The following PTGER4 variants were observed in gnomAD, a reference collection of about 807,000 sequenced individuals.
The protein encoded by PTGER4 is prostaglandin E receptor 4, also known as prostaglandin E2 receptor EP4 subtype.
A neutral mutation model predicts 33.2 loss-of-function variants in PTGER4; 11 were observed. That is an observed-to-expected ratio of 0.33 (90% CI 0.21 to 0.55). The LOEUF (loss-of-function observed/expected upper bound fraction) is 0.55. PTGER4 is among the 20% of genes least tolerant of loss of function. The pLI is 0.92. For synonymous variants in PTGER4, 275 were observed against 281.5 expected (o/e 0.98, Z 0.23); for missense variants, 481 against 650.2 (o/e 0.74, Z 2.83).
rs1267421199 is a variant in PTGER4, at chr5:40,691,998, T to G, written c.1087T>G (p.Cys363Gly). 3.7e-6 allele frequency: 6 copies of G among 1,614,008 alleles called. No individual in the cohort carries two copies. The highest frequency in any genetic ancestry group is 5.1e-6 in the Non-Finnish European group (6 of 1,180,024). The change falls in exon 3 of 3, where the codon TGC (cysteine) becomes GGC (glycine). Residue 363 changes from cysteine (C) to glycine (G), a missense_variant. Cys to Gly is a radical substitution (Grantham distance 159, BLOSUM62 -3). Around this residue, in one of 7 missense-constraint regions of PTGER4, gnomAD observed 172 missense variants for 199.2 expected, o/e 0.86. Coordinates refer to ENST00000302472, the MANE Select transcript of PTGER4 (RefSeq NM_000958.3). This position sits in a 1 kb window ranked among gnomAD's most constrained non-coding sequence, Gnocchi z 4.2. ...CCGCAGGGAGCGCTCCGGACAGCAC[T>G]GCTCAGACAGTCAAAGGACATCTTC... Reference protein sequence around the residue: ...GSRRERSGQHCSDSQRTSSAM... With the variant: ...GSRRERSGQHGSDSQRTSSAM...
the PTGER4 span, among the ~76,000 whole-genome samples, chr5:40,704,850 T>C: frequency 6.6e-6 from 1 of 151,916 alleles, no homozygotes; most frequent in Non-Finnish European, 1.5e-5. Context: ...GAAAAACATC[T>C]CATGCTCATG....
rs1038872012 is a variant in PTGER4, at chr5:40,691,714, T to C, written c.868-65T>C. 1 of 1,537,570 alleles carries C rather than the reference T, an allele frequency of 6.5e-7. No homozygotes were observed. The highest frequency in any genetic ancestry group is 1.4e-5 in the African/African-American group (1 of 72,550). On this transcript the variant is annotated intron_variant, in intron 2 of 2. Coordinates refer to ENST00000302472, the MANE Select transcript of PTGER4 (RefSeq NM_000958.3). The surrounding 1 kb of genome is among the most constrained non-coding windows in gnomAD (Gnocchi z 4.2). ...CTTCCTAATATTGATAAGGTAGACA[T>C]AGCATTTATATGTTTTCCCAATTGA...
At chr5:40,720,854 A>G in the PTGER4 span, among the ~76,000 whole-genome samples, 2 of 152,190 alleles carry the variant, frequency 1.3e-5, no homozygotes, top group Admixed American at 6.5e-5. Context: ...GCTACCCTCA[A>G]GGGAAAGAAT....
chr5:40,683,679 G>A lies in PTGER4; in HGVS notation c.867+1819G>A, dbSNP rs990840069. ...AAGCTATGGATTTCTGCACAGCCAC[G>A]GATGAATTATTTTCTTCCAACATCT... On this transcript the variant is annotated intron_variant, in intron 2 of 2. Transcript: ENST00000302472. The surrounding 1 kb of genome is among the most constrained non-coding windows in gnomAD (Gnocchi z 4.2). Among the ~76,000 whole-genome samples, 4 of 152,174 alleles carry A rather than the reference G, an allele frequency of 2.6e-5. No individual in the cohort carries two copies. The highest frequency in any genetic ancestry group is 3.9e-4 in the East Asian group (2 of 5,194).
rs770221809 is a variant in PTGER4 at position 40,681,872 on chromosome 5, G to A, written c.867+12G>A. 2.0e-6 allele frequency: 3 copies of A among 1,492,572 alleles called. No individual in the cohort carries two copies. The highest frequency in any genetic ancestry group is 2.7e-6 in the Non-Finnish European group (3 of 1,126,242). 92.5% of individuals were successfully genotyped at this position (1,492,572 alleles called of 1,614,324 possible). The stretch of plus-strand genomic sequence containing the variant: ...CCATCCCGCTCGTGGTGAGTGACCG[G>A]GGCTGGGGCCCTACTCGGCCTTTTT... On this transcript the variant is annotated intron_variant, in intron 2 of 2. Coordinates refer to ENST00000302472, the MANE Select transcript of PTGER4 (RefSeq NM_000958.3). The surrounding 1 kb of genome is among the most constrained non-coding windows in gnomAD (Gnocchi z 9.8).
Position 40,681,523 on chromosome 5 carries a change from A to G in PTGER4, c.530A>G (p.Asn177Ser). Residue 177 changes from asparagine to serine, a missense_variant, in exon 2 of 3, where the codon AAC becomes AGC. Transcript: ENST00000302472. This position sits in a 1 kb window ranked among gnomAD's most constrained non-coding sequence, Gnocchi z 9.8. ...TGGTGCTTCATCGACTGGACCACCA[A>G]CGTGACGGCGCACGCCGCCTACTCC... ...DTWCFIDWTT[N>S]VTAHAAYSYM... is the part of the protein sequence containing the mutation. The G allele has an allele frequency of 1.9e-6, 3 of 1,613,010 alleles. No individual in the cohort carries two copies. The highest frequency in any genetic ancestry group is 2.5e-6 in the Non-Finnish European group (3 of 1,180,026).
At chr5:40,716,429 A>G in the PTGER4 span, 1 of 1,613,774 alleles carries the variant, frequency 6.2e-7, no homozygotes, top group Non-Finnish European at 8.5e-7. Flanking sequence ...CTTGCCCAAG[A>G]GAGGTCTTCT....
chr5:40,684,127 C>CT (rs1741268888), intron 2 of PTGER4, among the ~76,000 whole-genome samples: 2 of 100,690 alleles, frequency 2.0e-5, no homozygotes, highest in East Asian at 3.8e-4. Context: ...CCCACCCACC[C>CT]CCCCCCCCAC....
chr5:40,723,541 C>A, the PTGER4 span, among the ~76,000 whole-genome samples: 1 of 150,860 alleles, frequency 6.6e-6, no homozygotes, highest in Non-Finnish European at 1.5e-5. Context: ...AATATCACCT[C>A]ACATCTGTTA....
Position 40,680,275 on chromosome 5 carries a change from CTT to C in PTGER4, c.-246_-245del, listed in dbSNP as rs1024127444. On this transcript the variant is annotated 5_prime_UTR_variant, in exon 1 of 3. Transcript: ENST00000302472. This position sits in a 1 kb window ranked among gnomAD's most constrained non-coding sequence, Gnocchi z 5.5. Reference sequence around the variant, plus strand: ...TTCACTGACCCATCCCGCTGCACCTCTTGTTTCCCAAGTTTTTGAAAGCTGGC... The same window carrying C: ...TTCACTGACCCATCCCGCTGCACCTCGTTTCCCAAGTTTTTGAAAGCTGGC... The C allele has an allele frequency of 1.3e-5, 2 of 152,636 alleles. No homozygotes were observed. The highest frequency in any genetic ancestry group is 4.8e-5 in the African/African-American group (2 of 41,482). The allele number at this position is 152,636 out of a possible 1,614,324, so 9.5% of individuals were successfully genotyped here. A position where few individuals can be genotyped will look rare whatever the true frequency, so the allele number is the denominator to read the frequency against.
downstream of PTGER4, among the ~76,000 whole-genome samples, chr5:40,698,678 C>T (rs977492388): frequency 2.6e-5 from 4 of 152,160 alleles, no homozygotes; most frequent in African/African-American, 4.8e-5. Flanking sequence ...CAATGCATTA[C>T]TTTATGATAC....
In PTGER4 at chr5:40,684,131, C is replaced by CCG. The variant is rs111465208; in HGVS notation, c.867+2272_867+2273insGC. Among the ~76,000 whole-genome samples, 1,113 of 119,910 alleles carry CCG rather than the reference C, an allele frequency of 9.3e-3. 17 individuals carry two copies. The highest frequency in any genetic ancestry group is 0.031 in the African/African-American group (945 of 30,866). The allele number at this position is 119,910 out of a possible 152,430, so 78.7% of individuals were successfully genotyped here. The stretch of plus-strand genomic sequence containing the variant: ...TCATTATGCCACCCACCCACCCCCC[C>CCG]CCCCACAATTCAGCAATTACTGAAA... On this transcript the variant is annotated intron_variant, in intron 2 of 2. Transcript: ENST00000302472.
chr5:40,709,024 G>C, the PTGER4 span, among the ~76,000 whole-genome samples: 1 of 152,148 alleles, frequency 6.6e-6, no homozygotes, highest in African/African-American at 2.4e-5. Flanking sequence ...GTATTGATGG[G>C]ATGTATCTCA....
chr5:40,739,113 T>G, the PTGER4 span, among the ~76,000 whole-genome samples: 1 of 152,232 alleles, frequency 6.6e-6, no homozygotes, highest in African/African-American at 2.4e-5. Flanking sequence ...GATCCATGTA[T>G]GTCTATCTTT....
At chr5:40,718,608 C>T in the PTGER4 span, among the ~76,000 whole-genome samples, 1 of 151,904 alleles carries the variant, frequency 6.6e-6, no homozygotes, top group Non-Finnish European at 1.5e-5. Flanking sequence ...GGCATGGTGG[C>T]ACCCTCCACG....
the PTGER4 span, among the ~76,000 whole-genome samples, chr5:40,709,673 G>C: frequency 6.6e-6 from 1 of 152,000 alleles, no homozygotes; most frequent in African/African-American, 2.4e-5. Context: ...CACAGAATTG[G>C]AAAAAACTAC....
chr5:40,746,787 T>C, the PTGER4 span: 20 of 1,598,556 alleles, frequency 1.3e-5, 1 homozygote, highest in South Asian at 2.3e-4. Flanking sequence ...AAAAAAACTT[T>C]AAATACATAC....
downstream of PTGER4, among the ~76,000 whole-genome samples, chr5:40,697,006 AAG>A (rs1429862577): frequency 6.7e-6 from 1 of 148,508 alleles, no homozygotes; most frequent in Non-Finnish European, 1.5e-5. Context: ...AAGGGAAAGA[AAG>A]AGAGAAAGAA....
downstream of PTGER4, among the ~76,000 whole-genome samples, chr5:40,696,161 A>T (rs1020131260): frequency 1.3e-5 from 2 of 152,230 alleles, no homozygotes; most frequent in African/African-American, 2.4e-5. Context: ...AGTCCTCTCC[A>T]CAAGTTTTCT....
Sources: gnomAD v4.1 joint callset for allele counts (sites outside exome capture counted in the v4.1 genomes callset) on GRCh38, gnomAD v4.1.1 for gene constraint, gnomAD v4.1.1 regional missense constraint, Gnocchi (gnomAD v3.1) non-coding constraint, MANE v1.5 for transcripts, NCBI Gene and HGNC (gene_info 2026-07-23, HGNC 2026-07-21) for gene names.